Variants in DCAF8L2 observed in about 807,000 individuals in gnomAD.
The protein encoded by DCAF8L2 is DDB1 and CUL4 associated factor 8 like 2.
For synonymous variants in DCAF8L2, 200 were observed against 190.9 expected (o/e 1.05, Z -0.39); for missense variants, 430 against 490.7 (o/e 0.88, Z 1.17).
At chrX:27,643,314 T>C (rs1392206917) in intron 2 of DCAF8L2, among the ~76,000 whole-genome samples, 1 of 112,209 alleles carries the variant, frequency 8.9e-6, no homozygotes, top group Non-Finnish European at 1.9e-5. Context: ...TGATTTGCAT[T>C]TCCCTGATGA....
chrX:27,509,373 A>G, the DCAF8L2 span, among the ~76,000 whole-genome samples: 91 of 111,992 alleles, frequency 8.1e-4, 1 homozygote, highest in African/African-American at 2.6e-3. Context: ...AAGGATTTGT[A>G]TAAAACTGCT....
At chrX:27,519,876 A>G in the DCAF8L2 span, 1 of 289,984 alleles carries the variant, frequency 3.4e-6, no homozygotes, top group Non-Finnish European at 6.0e-6. Context: ...ATTTTTTCTT[A>G]TGATATTTTA....
chrX:27,541,310 T>A, the DCAF8L2 span, among the ~76,000 whole-genome samples: 95 of 110,524 alleles, frequency 8.6e-4, no homozygotes, highest in African/African-American at 2.8e-3. Context: ...CTATATATAT[T>A]TTTTGCACTG....
chrX:27,500,921 T>C, the DCAF8L2 span, among the ~76,000 whole-genome samples: 3 of 111,177 alleles, frequency 2.7e-5, no homozygotes, highest in Admixed American at 9.7e-5. Context: ...TTAAGATACT[T>C]TTGATATGAA....
the DCAF8L2 span, among the ~76,000 whole-genome samples, chrX:27,514,165 C>G: frequency 9.4e-6 from 1 of 106,034 alleles, no homozygotes; most frequent in African/African-American, 3.7e-5. Context: ...TGTGCATGCA[C>G]ACATATGTAC....
intron 3 of DCAF8L2, among the ~76,000 whole-genome samples, chrX:27,696,272 A>G (rs745825412): frequency 0.042 from 592 of 13,937 alleles, 3 homozygotes; most frequent in African/African-American, 0.051. Flanking sequence ...GAGAGAGAGA[A>G]AGAAAGAAAG....
At chrX:27,716,452 A>G (rs1931704758) in intron 4 of DCAF8L2, among the ~76,000 whole-genome samples, 1 of 112,774 alleles carries the variant, frequency 8.9e-6, no homozygotes. Flanking sequence ...AAGCACAAAA[A>G]GAAATCTTGT....
chrX:27,673,194 A>G (rs1930012242), intron 2 of DCAF8L2, among the ~76,000 whole-genome samples: 1 of 110,789 alleles, frequency 9.0e-6, no homozygotes, highest in Non-Finnish European at 1.9e-5. Flanking sequence ...AATGAATCCA[A>G]ATATCAACCC....
chrX:27,535,676 G>C, the DCAF8L2 span, among the ~76,000 whole-genome samples: 1 of 111,768 alleles, frequency 8.9e-6, no homozygotes, highest in Non-Finnish European at 1.9e-5. Flanking sequence ...GTGCTATACT[G>C]TTGTATGTTC....
intron 1 of DCAF8L2, among the ~76,000 whole-genome samples, chrX:27,615,928 T>C (rs1927453546): frequency 9.0e-6 from 1 of 111,208 alleles, no homozygotes; most frequent in African/African-American, 3.3e-5. Flanking sequence ...TTTTTAATAT[T>C]TTTATTTAAA....
At chrX:27,576,833 G>A in the DCAF8L2 span, among the ~76,000 whole-genome samples, 21 of 111,775 alleles carry the variant, frequency 1.9e-4, no homozygotes, top group South Asian at 6.4e-3. Flanking sequence ...CCATTATGAG[G>A]AAATAGTGAT....
chrX:27,542,208 T>C, the DCAF8L2 span, among the ~76,000 whole-genome samples: 2 of 111,687 alleles, frequency 1.8e-5, no homozygotes, highest in East Asian at 5.6e-4. Context: ...TTCCTTTGGC[T>C]ATATACCCAG....
intron 1 of DCAF8L2, among the ~76,000 whole-genome samples, chrX:27,605,843 G>T: frequency 9.0e-6 from 1 of 111,539 alleles, no homozygotes. Flanking sequence ...AAATGCAAGA[G>T]GAGACTGAAG....
intron 4 of DCAF8L2, among the ~76,000 whole-genome samples, chrX:27,729,633 T>C (rs1427756018): frequency 8.9e-6 from 1 of 111,852 alleles, no homozygotes; most frequent in East Asian, 2.8e-4. Context: ...GGTTCATAGA[T>C]GGTATTTTCT....
intron 4 of DCAF8L2, among the ~76,000 whole-genome samples, chrX:27,738,730 C>A (rs1569197978): frequency 8.9e-6 from 1 of 112,055 alleles, no homozygotes; most frequent in East Asian, 2.8e-4. Context: ...AACAAATCTC[C>A]ATTTCTCTAT....
chrX:27,582,897 G>A, the DCAF8L2 span, among the ~76,000 whole-genome samples: 1 of 110,916 alleles, frequency 9.0e-6, no homozygotes, highest in African/African-American at 3.3e-5. Flanking sequence ...GTTTTTGCCA[G>A]GTTTCTCCAC....
At chrX:27,530,963 T>TG in the DCAF8L2 span, among the ~76,000 whole-genome samples, 3 of 111,565 alleles carry the variant, frequency 2.7e-5, no homozygotes, top group African/African-American at 9.8e-5. Context: ...TCTCCCCTGA[T>TG]GACCAGTATT....
At chrX:27,485,423 A>G in the DCAF8L2 span, among the ~76,000 whole-genome samples, 1 of 109,257 alleles carries the variant, frequency 9.2e-6, no homozygotes, top group Admixed American at 9.7e-5. Flanking sequence ...AAGTCCTTTC[A>G]TTTTTAGGTA....
the DCAF8L2 span, among the ~76,000 whole-genome samples, chrX:27,533,511 TTATAA>T: frequency 8.9e-6 from 1 of 111,927 alleles, no homozygotes; most frequent in African/African-American, 3.2e-5. Context: ...AATATCCACC[TTATAA>T]TAAAGAAGCC....
Sources: allele counts gnomAD v4.1 joint callset (sites outside exome capture counted in the v4.1 genomes callset), GRCh38; gene constraint gnomAD v4.1.1; transcripts MANE v1.5; gene names NCBI Gene and HGNC (gene_info 2026-07-23, HGNC 2026-07-21).